WDR41: variants seen among roughly 807,000 people sequenced by gnomAD.
WDR41 encodes the protein WD repeat-containing protein 41.
In WDR41, 63 loss-of-function variants were observed where a neutral mutation model predicts 69.3. The observed-to-expected ratio is 0.91, with a 90% CI of 0.74 to 1.12. WDR41 has a LOEUF of 1.12. WDR41 is among the 50% of genes most tolerant of loss of function. The pLI is 0.00. For synonymous variants in WDR41, 185 were observed against 192.1 expected (o/e 0.96, Z 0.31); for missense variants, 543 against 534.5 (o/e 1.02, Z -0.16).
chr5:77,593,854 T>C (rs1744173014), intron 1 of WDR41, among the ~76,000 whole-genome samples: 1 of 152,172 alleles, frequency 6.6e-6, no homozygotes, highest in African/African-American at 2.4e-5. Flanking sequence ...TCCTGCTAAT[T>C]GGCATTCAAA....
chr5:77,552,014 AT>A (rs1561222425), intron 1 of WDR41, among the ~76,000 whole-genome samples: 4 of 130,396 alleles, frequency 3.1e-5, no homozygotes, highest in African/African-American at 1.1e-4. Context: ...ATAAAATAAA[AT>A]AAAATAAAAT....
At chr5:77,439,332 A>G (rs1298106347) in intron 9 of WDR41, among the ~76,000 whole-genome samples, 1 of 152,232 alleles carries the variant, frequency 6.6e-6, no homozygotes, top group Non-Finnish European at 1.5e-5. Context: ...ATAGTAACTG[A>G]ACCAAAGCAT....
intron 1 of WDR41, among the ~76,000 whole-genome samples, chr5:77,527,554 T>C (rs1451001549): frequency 6.6e-6 from 1 of 151,866 alleles, no homozygotes; most frequent in African/African-American, 2.4e-5. Context: ...TAGAAGCTGA[T>C]AGAATACACA....
At chr5:77,489,253 C>A (rs1341053075) in intron 2 of WDR41, among the ~76,000 whole-genome samples, 1 of 152,086 alleles carries the variant, frequency 6.6e-6, no homozygotes, top group Non-Finnish European at 1.5e-5. Context: ...TCACCAGACA[C>A]GACACCCTGA....
chr5:77,568,187 T>C (rs1376227457), intron 1 of WDR41, among the ~76,000 whole-genome samples: 1 of 152,096 alleles, frequency 6.6e-6, no homozygotes, highest in East Asian at 1.9e-4. Context: ...TTATGGATAA[T>C]GAAATGTACA....
At chr5:77,467,056 C>G (rs770972892) in intron 2 of WDR41, among the ~76,000 whole-genome samples, 1 of 151,766 alleles carries the variant, frequency 6.6e-6, no homozygotes, top group Non-Finnish European at 1.5e-5. Context: ...ACACTTCAAC[C>G]ATCTCCAAAT....
chr5:77,492,388 T>A (rs983285023), upstream of WDR41: 17 of 863,840 alleles, frequency 2.0e-5, no homozygotes, highest in South Asian at 8.1e-5. Flanking sequence ...GAGGGAGAAT[T>A]TTTGTCCCCA....
chr5:77,599,080 C>T (rs563988754), intron 1 of WDR41, among the ~76,000 whole-genome samples: 2 of 150,916 alleles, frequency 1.3e-5, no homozygotes, highest in South Asian at 4.2e-4. Context: ...AGTCTAAAAC[C>T]AGTTGCATAT....
chr5:77,479,326 A>G (rs958833064), intron 2 of WDR41, among the ~76,000 whole-genome samples: 1 of 152,070 alleles, frequency 6.6e-6, no homozygotes, highest in African/African-American at 2.4e-5. Flanking sequence ...AAACTACTTT[A>G]AAGTTCATAT....
intron 7 of WDR41, among the ~76,000 whole-genome samples, chr5:77,450,609 G>A (rs1441282099): frequency 6.6e-6 from 1 of 152,026 alleles, no homozygotes; most frequent in African/African-American, 2.4e-5. Context: ...ATGTGAATAA[G>A]GCCCAGTCAC....
At chr5:77,550,870 T>C (rs1486099741) in intron 1 of WDR41, among the ~76,000 whole-genome samples, 2 of 152,178 alleles carry the variant, frequency 1.3e-5, no homozygotes, top group Admixed American at 1.3e-4. Flanking sequence ...AAAGAAAATA[T>C]AGTACATGTA....
At chr5:77,495,100 A>G (rs1268242186), upstream of WDR41, among the ~76,000 whole-genome samples, 1 of 152,106 alleles carries the variant, frequency 6.6e-6, no homozygotes, top group Non-Finnish European at 1.5e-5. Context: ...ACAAAAACAC[A>G]ACACGACAAA....
intron 1 of WDR41, among the ~76,000 whole-genome samples, chr5:77,514,909 C>A (rs1802271008): frequency 6.6e-6 from 1 of 152,122 alleles, no homozygotes; most frequent in Non-Finnish European, 1.5e-5. Context: ...TTGTATAGAG[C>A]ACTTACCATG....
At chr5:77,443,713 A>C (rs1251831195) in intron 8 of WDR41, among the ~76,000 whole-genome samples, 1 of 152,140 alleles carries the variant, frequency 6.6e-6, no homozygotes. Flanking sequence ...CTCACTCTGC[A>C]TCTGTAGTCA....
intron 1 of WDR41, among the ~76,000 whole-genome samples, chr5:77,553,620 A>G (rs905206163): frequency 1.3e-5 from 2 of 152,234 alleles, no homozygotes; most frequent in Non-Finnish European, 2.9e-5. Flanking sequence ...CATTAAAAAA[A>G]TCTATTAAAT....
chr5:77,489,645 T>G, intron 1 of WDR41, 73 bp from the exon 2 acceptor site: 1 of 947,978 alleles, frequency 1.1e-6, no homozygotes, highest in South Asian at 1.5e-5. Context: ...TAAGACCATA[T>G]TGGAATATAA....
intron 1 of WDR41, among the ~76,000 whole-genome samples, chr5:77,611,433 G>T (rs1328009941): frequency 1.3e-5 from 2 of 152,086 alleles, no homozygotes; most frequent in African/African-American, 4.8e-5. Context: ...AAATGTAAAA[G>T]AACAGAAACT....
intron 1 of WDR41, among the ~76,000 whole-genome samples, chr5:77,595,817 G>A (rs777975506): frequency 1.1e-4 from 17 of 151,986 alleles, no homozygotes; most frequent in African/African-American, 3.1e-4. Context: ...CATCCGTGGC[G>A]TCCTCAAAAT....
rs543685910 is a variant in WDR41, at chr5:77,572,782, C to A, written c.42+47697G>T. Among the ~76,000 whole-genome samples the A allele has an allele frequency of 2.0e-5, 3 of 152,274 alleles. No individual in the cohort carries two copies. In the East Asian group the frequency reaches 5.8e-4, roughly 29 times the overall value. ...ACAATCCTTCAAGCTAGTTGTTTGGCATTTATTTCTCAAAATACCTGTTAT... is the reference window on the plus strand; with the variant it reads ...ACAATCCTTCAAGCTAGTTGTTTGGAATTTATTTCTCAAAATACCTGTTAT... On this transcript the variant is annotated intron_variant, in intron 1 of 5. Transcript: ENST00000509971.
Sources: gnomAD v4.1 joint callset for allele counts (sites outside exome capture counted in the v4.1 genomes callset) on GRCh38, gnomAD v4.1.1 for gene constraint, MANE v1.5 for transcripts, NCBI Gene and HGNC (gene_info 2026-07-23, HGNC 2026-07-21) for gene names.